Variants in SMAD9 observed in about 807,000 individuals in gnomAD.
The protein encoded by SMAD9 is MAD homolog 9.
In SMAD9, 36 loss-of-function variants were observed where a neutral mutation model predicts 46.1. The ratio of observed to expected loss-of-function variants is 0.78; its 90% CI spans 0.60 to 1.03. SMAD9 has a LOEUF of 1.03. Among genes scored for constraint, SMAD9 ranks in the 50% least tolerant of loss-of-function variants. SMAD9 has a pLI of 0.00. For synonymous variants in SMAD9, 245 were observed against 237.1 expected (o/e 1.03, Z -0.31); for missense variants, 572 against 599.8 (o/e 0.95, Z 0.48).
Position 36,872,711 on chromosome 13 carries a change from T to C in SMAD9, c.617A>G (p.Tyr206Cys), listed in dbSNP as rs766552684. 6.2e-7 allele frequency: 1 copy of C among 1,613,744 alleles called. No homozygotes were observed. The highest frequency in any genetic ancestry group is 8.5e-7 in the Non-Finnish European group (1 of 1,179,938). The part of the protein sequence containing the change: ...AFSQSPCTAS[Y>C]PHSPGSPSEP... ...AGAAGGACTTCCTGGGGAGTGAGGG[T>C]AGCTGGCCGTGCACGGGGACTGGGA... is the stretch of plus-strand genomic sequence containing the variant. The change falls in exon 3 of 7, where the codon TAC becomes TGC. Residue 206 changes from tyrosine (Y) to cysteine (C), a missense_variant. Tyr to Cys is a radical substitution (Grantham distance 194). Coordinates refer to ENST00000379826, the MANE Select transcript of SMAD9 (RefSeq NM_001127217.3).
At chr13:36,890,943 C>T (rs2058484591) in intron 1 of SMAD9, among the ~76,000 whole-genome samples, 1 of 152,124 alleles carries the variant, frequency 6.6e-6, no homozygotes, top group African/African-American at 2.4e-5. Context: ...GCATGTTCTT[C>T]AAAACGTTCC....
At chr13:36,890,236 A>G (rs372197947) in intron 1 of SMAD9, among the ~76,000 whole-genome samples, 1 of 152,120 alleles carries the variant, frequency 6.6e-6, no homozygotes, top group South Asian at 2.1e-4. Flanking sequence ...ATACATTTCT[A>G]CTTCCAAAAT....
chr13:36,860,402 G>T (rs1419187974), intron 5 of SMAD9, among the ~76,000 whole-genome samples: 1 of 150,806 alleles, frequency 6.6e-6, no homozygotes, highest in Admixed American at 6.6e-5. Flanking sequence ...AATAACCAGG[G>T]TTAATGGTTA....
At chr13:36,904,925 T>C (rs1158690698) in intron 1 of SMAD9, among the ~76,000 whole-genome samples, 1 of 152,244 alleles carries the variant, frequency 6.6e-6, no homozygotes, top group East Asian at 1.9e-4. Flanking sequence ...ATATTAATTA[T>C]TGATAGTTTT....
intron 6 of SMAD9, among the ~76,000 whole-genome samples, chr13:36,852,858 T>A (rs1363179897): frequency 6.6e-6 from 1 of 152,240 alleles, no homozygotes; most frequent in Admixed American, 6.5e-5. Context: ...TGTTACTTTA[T>A]CATCTGCATT....
In SMAD9 at chr13:36,900,341, C is replaced by T. The variant is rs147085381; in HGVS notation, c.-187+19775G>A. Among the ~76,000 whole-genome samples the T allele has an allele frequency of 7.0e-4, 107 of 152,138 alleles. 2 individuals carry two copies. In the East Asian group the frequency reaches 0.019, roughly 27 times the overall value. ...TGTCATCCAGGCTGGAGTGCCGTGG[C>T]GTGATCTCTGCTCACTGCAACCTCC... is the stretch of plus-strand genomic sequence containing the variant. On this transcript the variant is annotated intron_variant, in intron 1 of 6. Coordinates refer to ENST00000379826, the MANE Select transcript of SMAD9 (RefSeq NM_001127217.3).
intron 5 of SMAD9, among the ~76,000 whole-genome samples, chr13:36,860,990 T>C (rs1191267985): frequency 6.6e-6 from 1 of 152,170 alleles, no homozygotes; most frequent in Non-Finnish European, 1.5e-5. Context: ...ATTTAAAGCA[T>C]CTTGCTAGTG....
rs526506 is a variant in SMAD9, at chr13:36,882,025, C to T, written c.-186-2150G>A. Among the ~76,000 whole-genome samples, 1,086 of 152,304 alleles carry T rather than the reference C, an allele frequency of 7.1e-3. 12 individuals carry two copies. The highest frequency in any genetic ancestry group is 0.025 in the African/African-American group (1,045 of 41,572). ...TAGAAACTTTTGCTCCATGAAACAA[C>T]AGTTCCCTAAACCAGGTTTTGTTTG... is the stretch of plus-strand genomic sequence containing the variant. On this transcript the variant is annotated intron_variant, in intron 1 of 6. Coordinates refer to ENST00000379826, the MANE Select transcript of SMAD9 (RefSeq NM_001127217.3).
At position 36,880,132 on chromosome 13, in the gene SMAD9, C is replaced by T. The variant is rs116888751; in HGVS notation, c.-186-257G>A. On this transcript the variant is annotated intron_variant, in intron 1 of 6. Transcript: ENST00000379826. Reference sequence around the variant, plus strand: ...CTGTTGTCTTTGACTCTGCCCTCTCCTGTATTTCCTATATCCAGGTCTCAG... The same window carrying T: ...CTGTTGTCTTTGACTCTGCCCTCTCTTGTATTTCCTATATCCAGGTCTCAG... 7.2e-5 allele frequency among the ~76,000 whole-genome samples: 11 copies of T among 152,304 alleles called. No homozygotes were observed. The East Asian group carries it at 1.4e-3, about 19-fold the overall frequency.
Position 36,848,489 on chromosome 13 carries a change from A to G in SMAD9, c.*187T>C, listed in dbSNP as rs1332263370. The G allele has an allele frequency of 1.6e-6, 1 of 638,000 alleles. No individual in the cohort carries two copies. Among genetic ancestry groups the G allele is most frequent in the Non-Finnish European group, 2.8e-6 (1 of 363,068 alleles). The allele number at this position is 638,000 out of a possible 1,614,324, so 39.5% of individuals were successfully genotyped here. A position where few individuals can be genotyped will look rare whatever the true frequency, so the allele number is the denominator to read the frequency against. On this transcript the variant is annotated 3_prime_UTR_variant, in exon 7 of 7. Transcript: ENST00000379826. ...CAGGCACCAAAGTCCTGCTTTTCCA[A>G]TTGCACTGTACTGGCATCAGGTTAA...
chr13:36,868,288 G>A (rs1241765111), intron 3 of SMAD9, among the ~76,000 whole-genome samples: 1 of 152,188 alleles, frequency 6.6e-6, no homozygotes, highest in Non-Finnish European at 1.5e-5. Context: ...ATGCCCCAAT[G>A]GCAATTCTAA....
chr13:36,917,399 A>AT (rs58671007), intron 1 of SMAD9, among the ~76,000 whole-genome samples: 65,939 of 147,962 alleles, frequency 0.45, 14,802 homozygotes, highest in Middle Eastern at 0.52. Context: ...TACTGTTTGC[A>AT]TTTTTTTTTT....
At position 36,917,098 on chromosome 13, in the gene SMAD9, G is replaced by T. The variant is rs78026176; in HGVS notation, c.-187+3018C>A. On this transcript the variant is annotated intron_variant, in intron 1 of 6. Transcript: ENST00000379826. Reference sequence around the variant, plus strand: ...CAAGTGCGGCCGAGGTGTCCGTCATGGTTTTGGGGTAGGAAGTGTCAGGAT... The same window carrying T: ...CAAGTGCGGCCGAGGTGTCCGTCATTGTTTTGGGGTAGGAAGTGTCAGGAT... Among the ~76,000 whole-genome samples the T allele has an allele frequency of 4.8e-3, 725 of 152,218 alleles. 4 individuals are homozygous for T. Among genetic ancestry groups the T allele is most frequent in the Non-Finnish European group, 7.2e-3 (491 of 68,004 alleles).
intron 5 of SMAD9, 32 bp from the exon 6 acceptor site, chr13:36,853,707 A>G (rs1301778739): frequency 1.9e-6 from 3 of 1,611,828 alleles, no homozygotes; most frequent in Non-Finnish European, 2.5e-6. Context: ...CTTCCTTCAC[A>G]TGCCCTTTCA....
In SMAD9 at chr13:36,872,784, G is replaced by A; in HGVS notation, c.544C>T (p.Gln182Ter). 10 of 1,614,100 alleles carry A rather than the reference G, an allele frequency of 6.2e-6. No individual in the cohort carries two copies. The highest frequency in any genetic ancestry group is 8.5e-6 in the Non-Finnish European group (10 of 1,180,034). The change falls in exon 3 of 7, where the codon CAG becomes TAG. Residue 182 changes from glutamine (Q) to a stop codon, truncating the protein, a stop_gained. Coordinates refer to ENST00000379826, the MANE Select transcript of SMAD9 (RefSeq NM_001127217.3). LOFTEE classifies it high-confidence loss of function. ...PHNATYPDSF[Q>*]QPPCSALPPS... ...GGGAGTGCAGAGCACGGAGGCTGCT[G>A]GAAAGAGTCAGGATAGGTGGCGTTG...
chr13:36,865,762 G>A lies in SMAD9; in HGVS notation c.782-4C>T, dbSNP rs1555239079. 1 of 1,612,576 alleles carries A rather than the reference G, an allele frequency of 6.2e-7. No homozygotes were observed. The highest frequency in any genetic ancestry group is 2.2e-5 in the East Asian group (1 of 44,850). ...TCGTAACAAACTGGTCGAAAGTCTGGAAGAAAACAAACCAGAGAACACATG... is the reference window on the plus strand; with the variant it reads ...TCGTAACAAACTGGTCGAAAGTCTGAAAGAAAACAAACCAGAGAACACATG... On this transcript the variant is annotated splice_region_variant and splice_polypyrimidine_tract_variant and intron_variant, in intron 4 of 6. Transcript: ENST00000379826.
chr13:36,855,399 G>A (rs1017546486), intron 5 of SMAD9, among the ~76,000 whole-genome samples: 1 of 151,878 alleles, frequency 6.6e-6, no homozygotes, highest in Non-Finnish European at 1.5e-5. Context: ...AGGGACTGAT[G>A]TTAGAAAAAA....
At chr13:36,893,739 CAT>C (rs1358156974) in intron 1 of SMAD9, among the ~76,000 whole-genome samples, 4 of 151,852 alleles carry the variant, frequency 2.6e-5, no homozygotes, top group African/African-American at 4.8e-5. Context: ...CCTAGAGATA[CAT>C]ATGTGATTAA....
At chr13:36,901,873 G>A (rs1283541675) in intron 1 of SMAD9, among the ~76,000 whole-genome samples, 2 of 152,166 alleles carry the variant, frequency 1.3e-5, no homozygotes, top group African/African-American at 2.4e-5. Flanking sequence ...TTGTTGCATT[G>A]TTAAAAGTTC....
Sources: gnomAD v4.1 joint callset for allele counts (sites outside exome capture counted in the v4.1 genomes callset) on GRCh38, gnomAD v4.1.1 for gene constraint, MANE v1.5 for transcripts, NCBI Gene and HGNC (gene_info 2026-07-23, HGNC 2026-07-21) for gene names.